MMP1: variants seen among roughly 807,000 people sequenced by gnomAD.
The protein encoded by MMP1 is matrix metallopeptidase 1.
In MMP1, 51 loss-of-function variants were observed where a neutral mutation model predicts 49.6. That is an observed-to-expected ratio of 1.03 (90% CI 0.82 to 1.30). MMP1 has a LOEUF of 1.30. Among genes scored for constraint, MMP1 ranks in the 50% most tolerant of loss-of-function variants. The probability of loss-of-function intolerance (pLI) is 0.00; values close to 1 mark genes in which losing one functional copy is unlikely to be tolerated. For synonymous variants in MMP1, 230 were observed against 196.8 expected (o/e 1.17, Z -1.41); for missense variants, 623 against 568.7 (o/e 1.10, Z -0.97).
rs1591076035 is a variant in MMP1 at position 102,790,297 on chromosome 11, T to C, written c.*115A>G. 1.7e-6 allele frequency: 1 copy of C among 593,182 alleles called. No homozygotes were observed. Among genetic ancestry groups the C allele is most frequent in the East Asian group, 2.9e-5 (1 of 34,878 alleles). 36.7% of individuals were successfully genotyped at this position (593,182 alleles called of 1,614,324 possible). ...GCAAACTGAGGTATAAATAAGATTA[T>C]ATTCTGTGTATCAGTGACTCTAGAG... is the stretch of plus-strand genomic sequence containing the variant. On this transcript the variant is annotated 3_prime_UTR_variant, in exon 10 of 10. Transcript: ENST00000315274.
chr11:102,790,548 T>C lies in MMP1; in HGVS notation c.1301-27A>G, dbSNP rs746223438. 61 of 1,429,350 alleles carry C rather than the reference T, an allele frequency of 4.3e-5. 2 individuals carry two copies. The South Asian group carries it at 6.5e-4, about 15-fold the overall frequency. The allele number at this position is 1,429,350 out of a possible 1,614,324, so 88.5% of individuals were successfully genotyped here. ...TAGAAACAAAACAAAAGAGACTTAC[T>C]ACATTATACAAGTAGTTTCTAGGTT... On this transcript the variant is annotated intron_variant, in intron 9 of 9. Transcript: ENST00000315274.
rs375378659 is a variant in MMP1, at chr11:102,792,625, T to C, written c.1013A>G (p.Asp338Gly). 9.3e-6 allele frequency: 15 copies of C among 1,613,588 alleles called. No individual in the cohort carries two copies. The African/African-American group carries it at 2.0e-4, about 22-fold the overall frequency. The change falls in exon 7 of 10, where the codon GAT becomes GGT. Residue 338 changes from aspartate to glycine, a missense_variant. Asp to Gly is a moderately conservative substitution (Grantham distance 94, BLOSUM62 -1). Coordinates refer to ENST00000315274, the MANE Select transcript of MMP1 (RefSeq NM_002421.4). The stretch of plus-strand genomic sequence containing the variant: ...ATTACCTTTGAAAAACCGGACTTCA[T>C]CTCTGTCGGCAAATTCGTAAGCAGC... ...LEAAYEFADR[D>G]EVRFFKGNKY...
rs7125320 is a variant in MMP1, at chr11:102,792,977, T to G, written c.900-239A>C. Among the ~76,000 whole-genome samples the G allele has an allele frequency of 0.12, 17,893 of 152,150 alleles. 1,390 individuals are homozygous for G. Among genetic ancestry groups the G allele is most frequent in the East Asian group, 0.25 (1,274 of 5,182 alleles). The stretch of plus-strand genomic sequence containing the variant: ...ACCATTGTATAGCATACAAATAAAA[T>G]AGGCATAAGTAACTTTAAGAACATA... On this transcript the variant is annotated intron_variant, in intron 6 of 9. Coordinates refer to ENST00000315274, the MANE Select transcript of MMP1 (RefSeq NM_002421.4).
In MMP1 at chr11:102,794,897, C is replaced by T. The variant is rs2134366252; in HGVS notation, c.899+277G>A. On this transcript the variant is annotated intron_variant, in intron 6 of 9. Coordinates refer to ENST00000315274, the MANE Select transcript of MMP1 (RefSeq NM_002421.4). This position sits in a 1 kb window ranked among gnomAD's most constrained non-coding sequence, Gnocchi z 4.3. ...TCTATGCCCCCAAAAGATCTCTTTC[C>T]TTCTCTCTGACTTACTTTGCTAATC... 6.6e-6 allele frequency among the ~76,000 whole-genome samples: 1 copy of T among 152,314 alleles called. No homozygotes were observed. The highest frequency in any genetic ancestry group is 2.4e-5 in the African/African-American group (1 of 41,570).
chr11:102,797,264 CAGATGT>C lies in MMP1; in HGVS notation c.336_341del (p.His113_Leu114del). ...GCCCTCAGTCTGCCTACCTGTAGGT[CAGATGT>C]GTTTGCTCCCAGCGAGGGTTCCCCT... On this transcript the variant is annotated inframe_deletion, in exon 2 of 10. Coordinates refer to ENST00000315274, the MANE Select transcript of MMP1 (RefSeq NM_002421.4). 6.2e-7 allele frequency: 1 copy of C among 1,614,202 alleles called. No homozygotes were observed. Among genetic ancestry groups the C allele is most frequent in the Non-Finnish European group, 8.5e-7 (1 of 1,180,038 alleles).
chr11:102,797,611 T>C, intron 1 of MMP1, 111 bp from the exon 2 acceptor site: 1 of 1,385,254 alleles, frequency 7.2e-7, no homozygotes. Context: ...AACCTTGTGT[T>C]TAGATTTCGC....
rs1335827964 is a variant in MMP1, at chr11:102,797,096, T to C, written c.417A>G (p.Gln139=). The C allele has an allele frequency of 1.9e-6, 3 of 1,614,110 alleles. No individual in the cohort carries two copies. Among genetic ancestry groups the C allele is most frequent in the South Asian group, 2.2e-5 (2 of 91,078 alleles). The change falls in exon 3 of 10, where the codon CAA becomes CAG. Residue 139 remains glutamine (Q), a synonymous_variant. Transcript: ENST00000315274. ...DVDHAIEKAF[Q]LWSNVTPLTF... ...TCAGAGGTGTGACATTACTCCAGAG[T>C]TGGAAGGCTTTCTCAATGGCATGGT...
At chr11:102,791,774 A>G (rs1858038578) in intron 7 of MMP1, among the ~76,000 whole-genome samples, 1 of 152,224 alleles carries the variant, frequency 6.6e-6, no homozygotes. Context: ...TCAGATGTTC[A>G]AATGACTAAA....
In MMP1 at chr11:102,797,971, T is replaced by C. The variant is rs470358; in HGVS notation, c.105+17A>G. The stretch of plus-strand genomic sequence containing the variant: ...ACTAAAAATTTACATTATTGTCACA[T>C]GCAATGCAGCATTTACCTGGACTAA... On this transcript the variant is annotated intron_variant, in intron 1 of 9. Transcript: ENST00000315274. The C allele has an allele frequency of 0.61, 940,379 of 1,545,902 alleles. 288,881 individuals are homozygous for C. Among genetic ancestry groups the C allele is most frequent in the African/African-American group, 0.81 (59,658 of 73,222 alleles).
At chr11:102,792,785 T>C in intron 6 of MMP1, 47 bp from the exon 7 acceptor site, 7 of 1,571,528 alleles carry the variant, frequency 4.5e-6, no homozygotes, top group Non-Finnish European at 6.1e-6. Flanking sequence ...TTTCTGGTAA[T>C]CTCTGGCAGA....
intron 7 of MMP1, 84 bp downstream of exon 7, chr11:102,792,517 AGAAT>A (rs779988065): frequency 7.4e-5 from 97 of 1,310,730 alleles, no homozygotes; most frequent in Non-Finnish European, 9.2e-5. Context: ...GTCCCTGGAG[AGAAT>A]GTAGCTAGTA....
intron 4 of MMP1, 118 bp downstream of exon 4, chr11:102,796,545 TG>T: frequency 2.5e-6 from 3 of 1,204,720 alleles, no homozygotes; most frequent in Non-Finnish European, 3.3e-6. Context: ...ACTAATTTTC[TG>T]AGTGGTAATA....
Position 102,795,512 on chromosome 11 carries a change from T to G in MMP1, c.721A>C (p.Thr241Pro). 10 of 1,614,066 alleles carry G rather than the reference T, an allele frequency of 6.2e-6. No homozygotes were observed. The highest frequency in any genetic ancestry group is 8.5e-6 in the Non-Finnish European group (10 of 1,180,022). The stretch of plus-strand genomic sequence containing the variant: ...GCTAGCTGAACATCACCACTGAAGG[T>G]GTAGCTAGGGTACATCAAAGCCCCG... ...DIGALMYPSY[T>P]FSGDVQLAQD... Residue 241 changes from threonine to proline, a missense_variant, in exon 5 of 10, where the codon ACC (threonine) becomes CCC (proline). By Grantham distance (38) the Thr-to-Pro change is conservative (BLOSUM62 -1). Coordinates refer to ENST00000315274, the MANE Select transcript of MMP1 (RefSeq NM_002421.4).
chr11:102,797,386 T>G lies in MMP1; in HGVS notation c.220A>C (p.Lys74Gln). 6.2e-7 allele frequency: 1 copy of G among 1,614,206 alleles called. No individual in the cohort carries two copies. ...TCAGCATCTGGTTTCCCAGTCACTT[T>G]CAGCCCAAAGAATTCCTGCATTTGC... ...LKQMQEFFGL[K>Q]VTGKPDAETL... Residue 74 changes from lysine (K) to glutamine (Q), a missense_variant, in exon 2 of 10, where the codon AAA becomes CAA. Lys to Gln is a moderately conservative substitution (Grantham distance 53). Coordinates refer to ENST00000315274, the MANE Select transcript of MMP1 (RefSeq NM_002421.4).
At chr11:102,796,947 A>G in intron 3 of MMP1, 67 bp downstream of exon 3, 1 of 1,556,912 alleles carries the variant, frequency 6.4e-7, no homozygotes, top group Non-Finnish European at 8.7e-7. Flanking sequence ...TTAAACAATC[A>G]ATTCCAGTTG....
rs772238064 is a variant in MMP1 at position 102,794,732 on chromosome 11, C to A, written c.899+442G>T. Among the ~76,000 whole-genome samples the A allele has an allele frequency of 6.6e-6, 1 of 152,162 alleles. No individual in the cohort carries two copies. Among genetic ancestry groups the A allele is most frequent in the Non-Finnish European group, 1.5e-5 (1 of 68,026 alleles). On this transcript the variant is annotated intron_variant, in intron 6 of 9. Transcript: ENST00000315274. This position sits in a 1 kb window ranked among gnomAD's most constrained non-coding sequence, Gnocchi z 4.3. ...AATTAAAGGATGGCTATGCAACCCT[C>A]ATCAGTGAGATGTTGCTATGGAAAG...
chr11:102,796,811 A>T, intron 3 of MMP1, 22 bp from the exon 4 acceptor site: 1 of 1,609,694 alleles, frequency 6.2e-7, no homozygotes, highest in Non-Finnish European at 8.5e-7. Context: ...AATTCAACAA[A>T]GATTCCTTGT....
intron 7 of MMP1, among the ~76,000 whole-genome samples, 164 bp downstream of exon 7, chr11:102,792,441 T>C (rs1858055304): frequency 6.6e-6 from 1 of 152,180 alleles, no homozygotes; most frequent in African/African-American, 2.4e-5. Context: ...CAAAATGCGC[T>C]ACGCACCGTT....
Position 102,791,892 on chromosome 11 carries a change from C to A in MMP1, c.1034-397G>T, listed in dbSNP as rs11225423. Among the ~76,000 whole-genome samples the A allele has an allele frequency of 2.3e-3, 356 of 152,284 alleles. 2 individuals are homozygous for A. Among genetic ancestry groups the A allele is most frequent in the African/African-American group, 8.2e-3 (340 of 41,560 alleles). On this transcript the variant is annotated intron_variant, in intron 7 of 9. Coordinates refer to ENST00000315274, the MANE Select transcript of MMP1 (RefSeq NM_002421.4). ...CATAAAGGGTGAAGTGCTGTAGTGA[C>A]TCATAACCTGTAAGGGTTTGCAATC...
Sources: gnomAD v4.1 joint callset for allele counts (sites outside exome capture counted in the v4.1 genomes callset) on GRCh38, gnomAD v4.1.1 for gene constraint, Gnocchi (gnomAD v3.1) non-coding constraint, MANE v1.5 for transcripts, NCBI Gene and HGNC (gene_info 2026-07-23, HGNC 2026-07-21) for gene names.